SMAD9: variants seen among roughly 807,000 people sequenced by gnomAD.
SMAD9 encodes the protein MAD homolog 9.
Under a neutral mutation model 46.1 loss-of-function variants are expected in SMAD9, and 36 were observed. The observed-to-expected ratio is 0.78, with a 90% CI of 0.60 to 1.03. The LOEUF (loss-of-function observed/expected upper bound fraction) is 1.03. SMAD9 is among the 50% of genes least tolerant of loss of function. The pLI is 0.00. For synonymous variants in SMAD9, 245 were observed against 237.1 expected, an observed-to-expected ratio of 1.03 and a Z score of -0.31; for missense variants, 572 against 599.8, an observed-to-expected ratio of 0.95 and a Z score of 0.48.
At chr13:36,875,624 G>A (rs1200225736) in intron 2 of SMAD9, among the ~76,000 whole-genome samples, 1 of 152,190 alleles carries the variant, frequency 6.6e-6, no homozygotes, top group Non-Finnish European at 1.5e-5. Flanking sequence ...AGTTGACACA[G>A]CGAATGTGTA....
rs1000481587 is a variant in SMAD9 at position 36,848,089 on chromosome 13, A to G, written c.*587T>C. On this transcript the variant is annotated 3_prime_UTR_variant, in exon 7 of 7. Coordinates refer to ENST00000379826, the MANE Select transcript of SMAD9 (RefSeq NM_001127217.3). ...CTTTTCCGATCACAGTTTGTTTAAA[A>G]TGTACCACTGAATATGAGCACAGGA... 3 of 152,704 alleles carry G rather than the reference A, an allele frequency of 2.0e-5. No individual in the cohort carries two copies. The highest frequency in any genetic ancestry group is 7.2e-5 in the African/African-American group (3 of 41,452). The allele number at this position is 152,704 out of a possible 1,614,324, so 9.5% of individuals were successfully genotyped here.
intron 2 of SMAD9, among the ~76,000 whole-genome samples, chr13:36,874,118 A>G (rs913495416): frequency 4.6e-5 from 7 of 152,338 alleles, no homozygotes; most frequent in East Asian, 3.9e-4. Flanking sequence ...TGTGACCAAC[A>G]TAAGTTCCAG....
chr13:36,892,998 CTTAAA>C (rs59682348), intron 1 of SMAD9, among the ~76,000 whole-genome samples: 30,536 of 151,844 alleles, frequency 0.2, 3,140 homozygotes, highest in Non-Finnish European at 0.23. Context: ...TTGTAGAAAA[CTTAAA>C]TTTGGTCTGG....
At chr13:36,886,921 G>A (rs2058450116) in intron 1 of SMAD9, among the ~76,000 whole-genome samples, 1 of 152,026 alleles carries the variant, frequency 6.6e-6, no homozygotes, top group Non-Finnish European at 1.5e-5. Context: ...AGGAAGAGTG[G>A]GCAAGGGTGT....
chr13:36,878,589 A>T (rs1298297300), intron 2 of SMAD9, among the ~76,000 whole-genome samples: 1 of 152,240 alleles, frequency 6.6e-6, no homozygotes, highest in Non-Finnish European at 1.5e-5. Context: ...TTTTAAAAAT[A>T]ACTGCCTGGA....
At chr13:36,878,060 A>C (rs894360680) in intron 2 of SMAD9, among the ~76,000 whole-genome samples, 1 of 152,152 alleles carries the variant, frequency 6.6e-6, no homozygotes, top group African/African-American at 2.4e-5. Flanking sequence ...AATCTAAGAG[A>C]ATCACAGTGA....
chr13:36,859,610 C>CTGTT (rs2138335401), intron 5 of SMAD9, among the ~76,000 whole-genome samples: 1 of 152,232 alleles, frequency 6.6e-6, no homozygotes, highest in Non-Finnish European at 1.5e-5. Context: ...AGGAAGTTAC[C>CTGTT]CTATATGGTC....
chr13:36,908,771 G>A (rs755262297), intron 1 of SMAD9, among the ~76,000 whole-genome samples: 1 of 152,228 alleles, frequency 6.6e-6, no homozygotes, highest in Non-Finnish European at 1.5e-5. Flanking sequence ...AACTAATTAT[G>A]GTGGGAGGAG....
chr13:36,914,218 C>T (rs1357621775), intron 1 of SMAD9, among the ~76,000 whole-genome samples: 1 of 152,130 alleles, frequency 6.6e-6, no homozygotes, highest in Non-Finnish European at 1.5e-5. Context: ...CTGCCCAAGC[C>T]TTAAAATGAC....
intron 1 of SMAD9, among the ~76,000 whole-genome samples, chr13:36,883,863 C>A (rs117910810): frequency 6.6e-6 from 1 of 152,056 alleles, no homozygotes; most frequent in Non-Finnish European, 1.5e-5. Context: ...ATCGTGTATC[C>A]CTGTCACAGA....
chr13:36,868,762 T>C (rs2058260074), intron 3 of SMAD9, among the ~76,000 whole-genome samples: 1 of 152,050 alleles, frequency 6.6e-6, no homozygotes, highest in Non-Finnish European at 1.5e-5. Context: ...AAAGGGGGAC[T>C]GAAAATAGAA....
intron 6 of SMAD9, among the ~76,000 whole-genome samples, chr13:36,851,335 A>AG (rs1398709887): frequency 6.6e-6 from 1 of 152,010 alleles, no homozygotes; most frequent in Non-Finnish European, 1.5e-5. Flanking sequence ...CTCTTCCTCC[A>AG]GGGGTCCCTG....
chr13:36,877,121 T>C (rs797019698), intron 2 of SMAD9, among the ~76,000 whole-genome samples: 8 of 152,262 alleles, frequency 5.3e-5, no homozygotes, highest in African/African-American at 1.7e-4. Context: ...CCCAGCACTT[T>C]GGGAGGACGA....
Position 36,882,227 on chromosome 13 carries a change from CTGTGTGTGTGTG to C in SMAD9, c.-186-2364_-186-2353del, listed in dbSNP as rs61006734. Among the ~76,000 whole-genome samples, 1,079 of 149,426 alleles carry C rather than the reference CTGTGTGTGTGTG, an allele frequency of 7.2e-3. 11 individuals are homozygous for C. The highest frequency in any genetic ancestry group is 0.025 in the African/African-American group (1,030 of 40,520). On this transcript the variant is annotated intron_variant, in intron 1 of 6. Coordinates refer to ENST00000379826, the MANE Select transcript of SMAD9 (RefSeq NM_001127217.3). ...AAAAATTTTCATTCACAGGTATGTG[CTGTGTGTGTGTG>C]TGTGTGTGTGTGTGTGTGTGTATGT... is the stretch of plus-strand genomic sequence containing the variant.
chr13:36,877,405 G>A (rs1397165762), intron 2 of SMAD9, among the ~76,000 whole-genome samples: 1 of 152,086 alleles, frequency 6.6e-6, no homozygotes, highest in African/African-American at 2.4e-5. Context: ...TTTAAAATTA[G>A]GCTTTTGAAT....
chr13:36,865,844 G>A lies in SMAD9; in HGVS notation c.782-86C>T. Reference sequence around the variant, plus strand: ...GATTCCACCAGGAAACTTAGTTAATGCTTTTCACCAGAAAGTCGGCTGCAA... The same window carrying A: ...GATTCCACCAGGAAACTTAGTTAATACTTTTCACCAGAAAGTCGGCTGCAA... On this transcript the variant is annotated intron_variant, in intron 4 of 6. Transcript: ENST00000379826. 6.2e-6 allele frequency: 7 copies of A among 1,127,984 alleles called. 1 individual carries two copies. The South Asian group carries it at 7.9e-5, about 13-fold the overall frequency. The allele number at this position is 1,127,984 out of a possible 1,614,324, so 69.9% of individuals were successfully genotyped here. A position where few individuals can be genotyped will look rare whatever the true frequency, so the allele number is the denominator to read the frequency against.
rs1420098416 is a variant in SMAD9 at position 36,847,652 on chromosome 13, A to G, written c.*1024T>C. ...CTTTACTGTTGCTTTAGTGATCTGC[A>G]AAGAGTTAATATTTGCCAAGAGGCA... On this transcript the variant is annotated 3_prime_UTR_variant, in exon 7 of 7. Coordinates refer to ENST00000379826, the MANE Select transcript of SMAD9 (RefSeq NM_001127217.3). 6.6e-6 allele frequency: 1 copy of G among 152,248 alleles called. No individual in the cohort carries two copies. Among genetic ancestry groups the G allele is most frequent in the African/African-American group, 2.4e-5 (1 of 41,464 alleles). The allele number at this position is 152,248 out of a possible 1,614,324, so 9.4% of individuals were successfully genotyped here. A position where few individuals can be genotyped will look rare whatever the true frequency, so the allele number is the denominator to read the frequency against.
At chr13:36,856,366 AG>A (rs1231782086) in intron 5 of SMAD9, among the ~76,000 whole-genome samples, 1 of 152,220 alleles carries the variant, frequency 6.6e-6, no homozygotes, top group Non-Finnish European at 1.5e-5. Context: ...ATCTATCTTC[AG>A]GGGTTGGTTT....
chr13:36,879,377 G>C lies in SMAD9; in HGVS notation c.313C>G (p.His105Asp), dbSNP rs763984253. Residue 105 changes from histidine to aspartate, a missense_variant, in exon 2 of 7, where the codon CAC becomes GAC. Transcript: ENST00000379826. Reference protein sequence around the residue: ...VWRWPDLQSHHELKPLECCEF... With the variant: ...VWRWPDLQSHDELKPLECCEF... ...CAGCACTCCAGCGGCTTCAGCTCGT[G>C]GTGGGACTGCAGATCCGGCCAGCGC... is the stretch of plus-strand genomic sequence containing the variant. 1 of 1,614,130 alleles carries C rather than the reference G, an allele frequency of 6.2e-7. No individual in the cohort carries two copies. The highest frequency in any genetic ancestry group is 2.2e-5 in the East Asian group (1 of 44,878).
Sources: allele counts gnomAD v4.1 joint callset (sites outside exome capture counted in the v4.1 genomes callset), GRCh38; gene constraint gnomAD v4.1.1; transcripts MANE v1.5; gene names NCBI Gene and HGNC (gene_info 2026-07-23, HGNC 2026-07-21).